Variants in CDH18 observed in about 807,000 individuals in gnomAD.
CDH18 encodes cadherin-18.
In CDH18, 31 loss-of-function variants were observed where a neutral mutation model predicts 67.9. The ratio of observed to expected loss-of-function variants is 0.46; its 90% confidence interval spans 0.34 to 0.62. CDH18 has a LOEUF of 0.62. CDH18 is among the 20% of genes least tolerant of loss of function. CDH18 has a pLI of 0.01. For missense variants in CDH18, 890 were observed against 975.5 expected (o/e 0.91, Z 1.17); for synonymous variants, 362 against 347.2 (o/e 1.04, Z -0.48).
At chr5:20,466,591 A>C (rs1415243212) in intron 1 of CDH18, among the ~76,000 whole-genome samples, 1 of 152,154 alleles carries the variant, frequency 6.6e-6, no homozygotes, top group Non-Finnish European at 1.5e-5. Flanking sequence ...TCTTTGTATG[A>C]GTCACAGCCA....
chr5:19,647,527 CAAAAAAAAAAAAAAAAA>C (rs3062888), intron 5 of CDH18, among the ~76,000 whole-genome samples: 5 of 28,802 alleles, frequency 1.7e-4, no homozygotes, highest in Non-Finnish European at 2.9e-4. Context: ...GAGACTCCAT[CAAAAAAAAAAAAAAAAA>C]AAAAAAAAAA....
intron 2 of CDH18, among the ~76,000 whole-genome samples, chr5:20,195,665 A>C (rs1464607370): frequency 6.6e-6 from 1 of 152,084 alleles, no homozygotes; most frequent in Non-Finnish European, 1.5e-5. Flanking sequence ...TTACTCTAAA[A>C]ATTTAAGAAA....
chr5:20,148,740 G>A (rs1438197068), intron 2 of CDH18, among the ~76,000 whole-genome samples: 1 of 150,548 alleles, frequency 6.6e-6, no homozygotes, highest in East Asian at 1.9e-4. Flanking sequence ...AACAGTATTA[G>A]GTAAGTGAAT....
At chr5:20,567,627 T>A (rs13159384) in intron 1 of CDH18, among the ~76,000 whole-genome samples, 21,093 of 152,106 alleles carry the variant, frequency 0.14, 1,588 homozygotes, top group Admixed American at 0.2. Context: ...AGAAAAGATA[T>A]GAGAATGTGC....
At chr5:20,285,519 C>A (rs1044126930) in intron 1 of CDH18, among the ~76,000 whole-genome samples, 22 of 150,662 alleles carry the variant, frequency 1.5e-4, no homozygotes, top group Non-Finnish European at 2.7e-4. Flanking sequence ...ACTTACATTT[C>A]AAGTTATTTG....
chr5:19,695,687 G>A (rs1461564635), intron 5 of CDH18, among the ~76,000 whole-genome samples: 1 of 152,218 alleles, frequency 6.6e-6, no homozygotes, highest in Non-Finnish European at 1.5e-5. Flanking sequence ...AGTGCTGTGT[G>A]AGTTGACATT....
intron 5 of CDH18, among the ~76,000 whole-genome samples, chr5:19,694,316 G>A (rs1762269330): frequency 6.6e-6 from 1 of 152,012 alleles, no homozygotes; most frequent in African/African-American, 2.4e-5. Flanking sequence ...CCAATCTATA[G>A]GGTTCAAAAT....
chr5:20,182,940 T>A (rs932316723), intron 2 of CDH18, among the ~76,000 whole-genome samples: 5 of 152,112 alleles, frequency 3.3e-5, no homozygotes, highest in African/African-American at 1.2e-4. Context: ...GATGTATATA[T>A]AATGGGATAG....
chr5:19,554,713 G>A (rs1167946747), intron 8 of CDH18, among the ~76,000 whole-genome samples: 1 of 152,016 alleles, frequency 6.6e-6, no homozygotes, highest in African/African-American at 2.4e-5. Flanking sequence ...CCTTCCTGGG[G>A]CTAAGCCTGG....
intron 1 of CDH18, among the ~76,000 whole-genome samples, chr5:20,295,956 C>T (rs1747472856): frequency 7.0e-6 from 1 of 143,434 alleles, no homozygotes; most frequent in Non-Finnish European, 1.5e-5. Context: ...ACTGCAACCT[C>T]TGTCTCCCGG....
Position 20,059,190 on chromosome 5 carries a change from T to C in CDH18, c.-517-67176A>G, listed in dbSNP as rs568965711. 3.3e-5 allele frequency among the ~76,000 whole-genome samples: 5 copies of C among 152,286 alleles called. No individual in the cohort carries two copies. In the South Asian group the frequency reaches 1.0e-3, roughly 32 times the overall value. On this transcript the variant is annotated intron_variant, in intron 2 of 14. Transcript: ENST00000507958. ...TGGTGGTGATATCCCCTTTATCGTT[T>C]TTTATTGTGTCTATTTGATTCTTCT...
At chr5:20,196,405 C>T (rs1738983577) in intron 2 of CDH18, among the ~76,000 whole-genome samples, 1 of 152,234 alleles carries the variant, frequency 6.6e-6, no homozygotes, top group African/African-American at 2.4e-5. Context: ...TTCAAGAGCA[C>T]ACGGCTAATA....
In CDH18 at chr5:19,520,741, A is replaced by ATGTC; in HGVS notation, c.1427_1428insGACA (p.Ile476MetfsTer3). On this transcript the variant is annotated frameshift_variant, in exon 10 of 13. Transcript: ENST00000382275. LOFTEE classifies it high-confidence loss of function. ...GATTGTCATTGACATCCAGAACTCT[A>ATGTC]ATACCCACTGTGACATGGCTCAGCA... 6.2e-7 allele frequency: 1 copy of ATGTC among 1,613,284 alleles called. No individual in the cohort carries two copies. Among genetic ancestry groups the ATGTC allele is most frequent in the South Asian group, 1.1e-5 (1 of 91,034 alleles).
At chr5:19,930,650 T>C (rs1009027606) in intron 2 of CDH18, among the ~76,000 whole-genome samples, 2 of 151,886 alleles carry the variant, frequency 1.3e-5, no homozygotes, top group Admixed American at 6.6e-5. Flanking sequence ...AGGTAGCAAG[T>C]GTAGAGTTCA....
At chr5:19,956,238 T>C (rs1263116636) in intron 2 of CDH18, among the ~76,000 whole-genome samples, 4 of 152,014 alleles carry the variant, frequency 2.6e-5, no homozygotes, top group Admixed American at 6.6e-5. Flanking sequence ...AGATGCTAAA[T>C]TGAAATTAAC....
chr5:20,422,852 C>A (rs1260952241), intron 1 of CDH18, among the ~76,000 whole-genome samples: 2 of 150,970 alleles, frequency 1.3e-5, no homozygotes, highest in Non-Finnish European at 2.9e-5. Flanking sequence ...AGCTCATAAT[C>A]AAGTTCAATT....
At chr5:20,511,117 G>GA (rs751807563) in intron 1 of CDH18, among the ~76,000 whole-genome samples, 117 of 149,038 alleles carry the variant, frequency 7.9e-4, no homozygotes, top group South Asian at 2.8e-3. Context: ...CAACACCCAG[G>GA]AAAAAAAAAG....
chr5:19,975,742 T>C (rs1347726718), intron 2 of CDH18, among the ~76,000 whole-genome samples: 2 of 152,196 alleles, frequency 1.3e-5, no homozygotes, highest in East Asian at 1.9e-4. Flanking sequence ...TTTTTCATTT[T>C]AAATGTTTGG....
intron 5 of CDH18, among the ~76,000 whole-genome samples, chr5:19,662,766 A>G (rs1243263438): frequency 6.6e-6 from 1 of 152,020 alleles, no homozygotes; most frequent in African/African-American, 2.4e-5. Context: ...AAATGTGCAG[A>G]CTAAAACAAT....
Sources: gnomAD v4.1 joint callset for allele counts (sites outside exome capture counted in the v4.1 genomes callset) on GRCh38, gnomAD v4.1.1 for gene constraint, MANE v1.5 for transcripts, NCBI Gene and HGNC (gene_info 2026-07-23, HGNC 2026-07-21) for gene names.